The following SUPT3H variants were observed in gnomAD, a reference collection of about 807,000 sequenced individuals.
The protein encoded by SUPT3H is SPT3 homolog, SAGA and STAGA complex component.
Under a neutral mutation model 44.3 loss-of-function variants are expected in SUPT3H, and 44 were observed. That is an observed-to-expected ratio of 0.99 (90% CI 0.78 to 1.28). SUPT3H has a LOEUF of 1.28. Ranked by LOEUF, SUPT3H falls within the 50% of genes most tolerant of loss-of-function variation. The pLI, the probability that SUPT3H is intolerant of heterozygous loss-of-function variation, is 0.00. For missense variants in SUPT3H, 380 were observed against 387.1 expected (o/e 0.98, Z 0.15); for synonymous variants, 124 against 125.6 (o/e 0.99, Z 0.09).
intron 2 of SUPT3H, among the ~76,000 whole-genome samples, chr6:45,166,394 C>T (rs975962042): frequency 6.6e-6 from 1 of 151,960 alleles, no homozygotes; most frequent in Non-Finnish European, 1.5e-5. Flanking sequence ...TAAGACCATC[C>T]TGGCTAACAC....
chr6:45,102,690 G>C (rs149841125), intron 3 of SUPT3H, among the ~76,000 whole-genome samples: 1 of 151,986 alleles, frequency 6.6e-6, no homozygotes, highest in African/African-American at 2.4e-5. Context: ...GCTTGTAATC[G>C]CAGCACTTTG....
At chr6:45,066,290 T>C (rs1177899202) in intron 3 of SUPT3H, among the ~76,000 whole-genome samples, 3 of 151,544 alleles carry the variant, frequency 2.0e-5, no homozygotes, top group Non-Finnish European at 2.9e-5. Flanking sequence ...CTCAATAAAT[T>C]AGGTATTGAT....
chr6:44,961,153 T>A (rs1775962169), intron 7 of SUPT3H, among the ~76,000 whole-genome samples: 1 of 152,078 alleles, frequency 6.6e-6, no homozygotes, highest in Non-Finnish European at 1.5e-5. Context: ...CTATTACGAG[T>A]CATTATACAC....
chr6:45,022,607 C>T (rs1156393630), intron 3 of SUPT3H, among the ~76,000 whole-genome samples: 4 of 151,926 alleles, frequency 2.6e-5, no homozygotes, highest in African/African-American at 9.7e-5. Flanking sequence ...CCCTTGTCTG[C>T]CTTGGACCTC....
intron 10 of SUPT3H, among the ~76,000 whole-genome samples, chr6:44,836,726 G>A (rs1206538450): frequency 6.6e-6 from 1 of 152,080 alleles, no homozygotes; most frequent in African/African-American, 2.4e-5. Context: ...GATATATTAA[G>A]ACTTTTTTGT....
intron 2 of SUPT3H, among the ~76,000 whole-genome samples, chr6:45,350,994 C>T (rs1229217860): frequency 1.3e-5 from 2 of 152,070 alleles, no homozygotes; most frequent in African/African-American, 2.4e-5. Context: ...ACTGCACACG[C>T]GAAGGATCTA....
chr6:45,244,826 T>C (rs1431949701), intron 2 of SUPT3H, among the ~76,000 whole-genome samples: 1 of 152,174 alleles, frequency 6.6e-6, no homozygotes, highest in African/African-American at 2.4e-5. Flanking sequence ...GCACTTTTCA[T>C]TCTGAGGGTT....
At chr6:44,892,440 G>A (rs1002988418) in intron 10 of SUPT3H, among the ~76,000 whole-genome samples, 5 of 152,200 alleles carry the variant, frequency 3.3e-5, no homozygotes, top group East Asian at 1.9e-4. Flanking sequence ...GCTTGATCTT[G>A]GACTTTTCAG....
intron 9 of SUPT3H, among the ~76,000 whole-genome samples, chr6:44,944,874 AT>A (rs909968647): frequency 1.1e-4 from 16 of 151,312 alleles, no homozygotes; most frequent in African/African-American, 3.9e-4. Flanking sequence ...GACTTTAAAT[AT>A]ATTATATTTA....
intron 2 of SUPT3H, among the ~76,000 whole-genome samples, chr6:45,282,125 A>G (rs1323204092): frequency 6.6e-6 from 1 of 152,214 alleles, no homozygotes; most frequent in East Asian, 1.9e-4. Context: ...AGATAAAACC[A>G]CAAAAATGGG....
chr6:45,320,002 G>C (rs1467458014), intron 2 of SUPT3H, among the ~76,000 whole-genome samples: 2 of 151,884 alleles, frequency 1.3e-5, no homozygotes, highest in Non-Finnish European at 2.9e-5. Flanking sequence ...AAATTATTTG[G>C]ATTCCAACCT....
At chr6:45,091,124 T>C (rs1261067954) in intron 3 of SUPT3H, among the ~76,000 whole-genome samples, 1 of 152,004 alleles carries the variant, frequency 6.6e-6, no homozygotes, top group African/African-American at 2.4e-5. Context: ...TGATTTCTAT[T>C]TTAATGTTAT....
chr6:44,935,659 T>C (rs973974135), intron 9 of SUPT3H, among the ~76,000 whole-genome samples: 2 of 152,228 alleles, frequency 1.3e-5, no homozygotes. Context: ...CCTTCCATTT[T>C]TGTATTAATA....
intron 10 of SUPT3H, among the ~76,000 whole-genome samples, chr6:44,916,559 T>C (rs751177613): frequency 6.4e-4 from 97 of 152,148 alleles, no homozygotes; most frequent in Non-Finnish European, 1.2e-3. Context: ...AGAGAACATA[T>C]TATTACTAAC....
intron 10 of SUPT3H, among the ~76,000 whole-genome samples, chr6:44,900,518 G>A (rs566634893): frequency 4.3e-4 from 65 of 152,320 alleles, no homozygotes; most frequent in African/African-American, 5.8e-4. Context: ...TAAACAAAGC[G>A]GCCAGGAAGC....
intron 2 of SUPT3H, among the ~76,000 whole-genome samples, chr6:45,110,750 C>A (rs1020375652): frequency 6.6e-6 from 1 of 152,094 alleles, no homozygotes; most frequent in Non-Finnish European, 1.5e-5. Context: ...CTTTTGCTAA[C>A]CTCTGGACCC....
intron 2 of SUPT3H, among the ~76,000 whole-genome samples, chr6:45,149,633 T>C (rs901980954): frequency 6.6e-6 from 1 of 152,162 alleles, no homozygotes; most frequent in Non-Finnish European, 1.5e-5. Flanking sequence ...GTAGACACAC[T>C]TGAACTCACA....
intron 2 of SUPT3H, among the ~76,000 whole-genome samples, chr6:45,156,870 C>T (rs1454864916): frequency 1.3e-5 from 2 of 151,562 alleles, no homozygotes; most frequent in African/African-American, 2.4e-5. Context: ...GAAGTAATTC[C>T]ATGATTTAGT....
intron 10 of SUPT3H, among the ~76,000 whole-genome samples, chr6:44,890,015 C>T (rs1344570020): frequency 1.3e-5 from 2 of 151,296 alleles, no homozygotes; most frequent in Admixed American, 1.3e-4. Context: ...ACAATGCTCA[C>T]CATCACTGGC....
Sources: gnomAD v4.1 joint callset for allele counts (sites outside exome capture counted in the v4.1 genomes callset) on GRCh38, gnomAD v4.1.1 for gene constraint, MANE v1.5 for transcripts, NCBI Gene and HGNC (gene_info 2026-07-23, HGNC 2026-07-21) for gene names.